Variants in CCDC148 observed in about 807,000 individuals in gnomAD.
CCDC148 encodes the protein coiled-coil domain containing 148.
A neutral mutation model predicts 85.7 loss-of-function variants in CCDC148; 89 were observed. The observed-to-expected ratio is 1.04, with a 90% CI of 0.87 to 1.24. The LOEUF is 1.24. Among genes scored for constraint, CCDC148 ranks in the 50% most tolerant of loss-of-function variants. The pLI is 0.00. For missense variants in CCDC148, 692 were observed against 671.7 expected (o/e 1.03, Z -0.33); for synonymous variants, 230 against 213.9 (o/e 1.08, Z -0.66).
intron 1 of CCDC148, among the ~76,000 whole-genome samples, chr2:158,384,719 C>T (rs1413981368): frequency 6.6e-6 from 1 of 152,134 alleles, no homozygotes; most frequent in African/African-American, 2.4e-5. Flanking sequence ...AAATGGGTTA[C>T]AATCTGTTAC....
At chr2:158,368,432 C>A (rs1216118447) in intron 1 of CCDC148, among the ~76,000 whole-genome samples, 1 of 152,028 alleles carries the variant, frequency 6.6e-6, no homozygotes, top group Non-Finnish European at 1.5e-5. Flanking sequence ...TCAAAGTGGC[C>A]ACATCAGCCT....
At position 158,250,763 on chromosome 2, in the gene CCDC148, A is replaced by T. The variant is rs1559017935; in HGVS notation, c.1251+9T>A. 1.3e-6 allele frequency: 2 copies of T among 1,535,902 alleles called. No individual in the cohort carries two copies. The highest frequency in any genetic ancestry group is 1.7e-6 in the Non-Finnish European group (2 of 1,144,842). On this transcript the variant is annotated intron_variant, in intron 10 of 13. Coordinates refer to ENST00000283233, the MANE Select transcript of CCDC148 (RefSeq NM_138803.4). Reference sequence around the variant, plus strand: ...ATTCACACATTCGTATTGACAATAGATTTTTTACTTTTTTTTTCTTCTCTG... The same window carrying T: ...ATTCACACATTCGTATTGACAATAGTTTTTTTACTTTTTTTTTCTTCTCTG...
intron 2 of CCDC148, 80 bp downstream of exon 2, chr2:158,358,369 T>C (rs1014139505): frequency 1.3e-6 from 2 of 1,490,066 alleles, no homozygotes; most frequent in Non-Finnish European, 1.8e-6. Flanking sequence ...TGTCATTTAT[T>C]TTCACATTGA....
At chr2:158,361,356 C>T (rs1444113038) in intron 1 of CCDC148, among the ~76,000 whole-genome samples, 1 of 151,942 alleles carries the variant, frequency 6.6e-6, no homozygotes, top group Non-Finnish European at 1.5e-5. Flanking sequence ...GAAGAGCAAT[C>T]CCAAGACACA....
intron 2 of CCDC148, among the ~76,000 whole-genome samples, chr2:158,349,410 A>G (rs11903335): frequency 0.17 from 25,714 of 151,830 alleles, 3,466 homozygotes; most frequent in African/African-American, 0.38. Context: ...TAATATTAAG[A>G]ATAATAATAC....
At chr2:158,397,210 G>T (rs1450867931) in intron 1 of CCDC148, among the ~76,000 whole-genome samples, 1 of 151,904 alleles carries the variant, frequency 6.6e-6, no homozygotes, top group Non-Finnish European at 1.5e-5. Flanking sequence ...GCATGGGGAG[G>T]ATAAGACCTC....
chr2:158,297,626 C>A (rs538246928), intron 9 of CCDC148, among the ~76,000 whole-genome samples: 1 of 152,126 alleles, frequency 6.6e-6, no homozygotes, highest in African/African-American at 2.4e-5. Context: ...GCAGAATCCA[C>A]CCTAGATAGT....
At chr2:158,434,717 T>C (rs188900708) in intron 1 of CCDC148, among the ~76,000 whole-genome samples, 57 of 152,110 alleles carry the variant, frequency 3.7e-4, no homozygotes, top group African/African-American at 1.3e-3. Flanking sequence ...GCAAAGAAGC[T>C]AAAAACCTTG....
chr2:158,398,767 C>T (rs1283639506), intron 1 of CCDC148, among the ~76,000 whole-genome samples: 1 of 152,062 alleles, frequency 6.6e-6, no homozygotes, highest in African/African-American at 2.4e-5. Context: ...CAAGAAATAA[C>T]TAAGATCAGA....
In CCDC148 at chr2:158,341,481, G is replaced by A. The variant is rs138171407; in HGVS notation, c.252-801C>T. ...GACACCACACCTAGCTAATATGTGCGTGTGTGTACTTTTATTAGAGACAGG... is the reference window on the plus strand; with the variant it reads ...GACACCACACCTAGCTAATATGTGCATGTGTGTACTTTTATTAGAGACAGG... On this transcript the variant is annotated intron_variant, in intron 3 of 13. Coordinates refer to ENST00000283233, the MANE Select transcript of CCDC148 (RefSeq NM_138803.4). 2.6e-3 allele frequency among the ~76,000 whole-genome samples: 389 copies of A among 151,972 alleles called. 1 individual carries two copies. The highest frequency in any genetic ancestry group is 8.2e-3 in the African/African-American group (342 of 41,468).
At chr2:158,210,786 A>AT (rs1686526059) in intron 11 of CCDC148, among the ~76,000 whole-genome samples, 2 of 87,188 alleles carry the variant, frequency 2.3e-5, no homozygotes, top group Non-Finnish European at 4.9e-5. Context: ...TACTAAAAAT[A>AT]CAAAAAAAAA....
At chr2:158,421,106 C>G (rs931163280) in intron 1 of CCDC148, among the ~76,000 whole-genome samples, 5 of 152,108 alleles carry the variant, frequency 3.3e-5, no homozygotes, top group Admixed American at 3.3e-4. Context: ...TAGAGACCTA[C>G]AAAGAGACTT....
At chr2:158,196,479 T>C (rs995535518) in intron 11 of CCDC148, among the ~76,000 whole-genome samples, 2 of 152,136 alleles carry the variant, frequency 1.3e-5, no homozygotes, top group Non-Finnish European at 2.9e-5. Flanking sequence ...CAGTGCATTA[T>C]TTGCTGTGAA....
At chr2:158,380,866 A>G (rs1033366721) in intron 1 of CCDC148, 1 of 152,200 alleles carries the variant, frequency 6.6e-6, no homozygotes, top group African/African-American at 2.4e-5. Flanking sequence ...GCTGTGCAGT[A>G]TGGAAAGAAC....
chr2:158,401,380 A>G (rs1357536219), intron 1 of CCDC148, among the ~76,000 whole-genome samples: 1 of 152,160 alleles, frequency 6.6e-6, no homozygotes, highest in Non-Finnish European at 1.5e-5. Flanking sequence ...ATAAAAAAGG[A>G]TGAGTTCATG....
intron 11 of CCDC148, among the ~76,000 whole-genome samples, chr2:158,197,333 C>G (rs568292579): frequency 1.3e-5 from 2 of 151,958 alleles, no homozygotes; most frequent in Admixed American, 1.3e-4. Context: ...AGTCTAATTA[C>G]GAAAAAGTCA....
intron 11 of CCDC148, among the ~76,000 whole-genome samples, 183 bp downstream of exon 11, chr2:158,220,412 T>C (rs1358499432): frequency 6.6e-6 from 1 of 152,216 alleles, no homozygotes; most frequent in Non-Finnish European, 1.5e-5. Flanking sequence ...AACCAGAGGT[T>C]CATGTATGAC....
intron 9 of CCDC148, among the ~76,000 whole-genome samples, chr2:158,267,942 T>C (rs1689540469): frequency 1.3e-5 from 2 of 152,178 alleles, no homozygotes; most frequent in Non-Finnish European, 2.9e-5. Flanking sequence ...CTCTGAATAC[T>C]TTGAGAAGTA....
intron 11 of CCDC148, among the ~76,000 whole-genome samples, chr2:158,214,630 A>T (rs1686752017): frequency 6.6e-6 from 1 of 152,164 alleles, no homozygotes; most frequent in Non-Finnish European, 1.5e-5. Context: ...ACTCTAACTC[A>T]TGTAAATACT....
Sources: gnomAD v4.1 joint callset for allele counts (sites outside exome capture counted in the v4.1 genomes callset) on GRCh38, gnomAD v4.1.1 for gene constraint, MANE v1.5 for transcripts, NCBI Gene and HGNC (gene_info 2026-07-23, HGNC 2026-07-21) for gene names.